METTL6: variants seen among roughly 807,000 people sequenced by gnomAD.
The protein encoded by METTL6 is methyltransferase 6, tRNA N3-cytidine, also known as tRNA N(3)-cytidine methyltransferase METTL6.
A neutral mutation model predicts 26.4 loss-of-function variants in METTL6; 22 were observed. That is an observed-to-expected ratio of 0.83 (90% CI 0.59 to 1.19). The LOEUF is 1.19. Ranked by LOEUF, METTL6 falls within the 50% of genes most tolerant of loss-of-function variation. The probability of loss-of-function intolerance (pLI) is 0.00; values close to 1 mark genes in which losing one functional copy is unlikely to be tolerated. For missense variants in METTL6, 304 were observed against 324.8 expected (o/e 0.94, Z 0.49); for synonymous variants, 109 against 116.2 (o/e 0.94, Z 0.40).
At position 15,415,937 on chromosome 3, in the gene METTL6, A is replaced by G. The variant is rs770875857; in HGVS notation, c.366T>C (p.Asn122=). 6.2e-7 allele frequency: 1 copy of G among 1,605,008 alleles called. No individual in the cohort carries two copies. Among genetic ancestry groups the G allele is most frequent in the Non-Finnish European group, 8.5e-7 (1 of 1,175,958 alleles). The part of the protein sequence containing the change: ...SPRAIEYVKQ[N]PLYDTERCKV... ...TGCATCTTTCTGTATCATATAAAGG[A>G]TTTTGCTACAGGGGGAAGAAATACA... The change falls in exon 4 of 6, where the codon AAT becomes AAC. Residue 122 remains asparagine (N), a synonymous_variant. Coordinates refer to ENST00000383790, the MANE Select transcript of METTL6 (RefSeq NM_152396.4).
chr3:15,426,308 C>T lies in METTL6; in HGVS notation c.204G>A (p.Glu68=). 2.5e-6 allele frequency: 4 copies of T among 1,614,184 alleles called. No homozygotes were observed. Among genetic ancestry groups the T allele is most frequent in the Non-Finnish European group, 3.4e-6 (4 of 1,180,012 alleles). ...TTACCTCTCTACATGATCTTAGCTC[C>T]TCAAACTCTCTGGTGGTCCAGTGTC... The part of the protein sequence containing the change: ...KDRHWTTREF[E]ELRSCREFED... Residue 68 remains glutamate (E), a synonymous_variant, in exon 2 of 6, where the codon GAG becomes GAA. Transcript: ENST00000383790.
At chr3:15,414,556 T>A in intron 4 of METTL6, 1 of 269,970 alleles carries the variant, frequency 3.7e-6, no homozygotes, top group South Asian at 3.7e-5. Flanking sequence ...GGTTTCACCA[T>A]GTTGGCCAGG....
In METTL6 at chr3:15,425,302, G is replaced by A. The variant is rs140664906; in HGVS notation, c.226-213C>T. Among the ~76,000 whole-genome samples, 582 of 152,246 alleles carry A rather than the reference G, an allele frequency of 3.8e-3. 6 individuals carry two copies. The highest frequency in any genetic ancestry group is 0.013 in the African/African-American group (547 of 41,538). ...AAAAAAACAGCACAATGGCTAACTC[G>A]GCTCTGGAGTTAAACTGCCAGCACC... On this transcript the variant is annotated intron_variant, in intron 2 of 5. Coordinates refer to ENST00000383790, the MANE Select transcript of METTL6 (RefSeq NM_152396.4).
At chr3:15,402,024 G>A (rs1699660825) in intron 6 of METTL6, among the ~76,000 whole-genome samples, 1 of 152,134 alleles carries the variant, frequency 6.6e-6, no homozygotes. Context: ...CAAGGTCCAA[G>A]AACCCTCTCT....
chr3:15,397,686 A>C lies in METTL6; in HGVS notation c.*12-13499T>G, dbSNP rs373708252. On this transcript the variant is annotated intron_variant, in intron 6 of 6. Transcript: ENST00000443029. ...CATTTAGTTTATAGTTTAAATTATAATAGCCCTTCCCCCAAACTCAATCAC... is the reference window on the plus strand; with the variant it reads ...CATTTAGTTTATAGTTTAAATTATACTAGCCCTTCCCCCAAACTCAATCAC... Among the ~76,000 whole-genome samples the C allele has an allele frequency of 1.9e-3, 287 of 152,316 alleles. 1 individual carries two copies. Among genetic ancestry groups the C allele is most frequent in the African/African-American group, 6.5e-3 (271 of 41,580 alleles).
rs142758777 is a variant in METTL6 at position 15,422,582 on chromosome 3, C to T, written c.360+2373G>A. 8.1e-3 allele frequency among the ~76,000 whole-genome samples: 1,222 copies of T among 151,790 alleles called. 12 individuals are homozygous for T. Among genetic ancestry groups the T allele is most frequent in the South Asian group, 0.046 (220 of 4,788 alleles). On this transcript the variant is annotated intron_variant, in intron 3 of 5. Transcript: ENST00000383790. ...TGAGGCTGCAGTGAGCTCTAATACA[C>T]ACCACTGCACTCCAGCCTGGGTGAC...
At chr3:15,422,145 G>GTGA (rs1357039659) in intron 3 of METTL6, among the ~76,000 whole-genome samples, 2 of 150,878 alleles carry the variant, frequency 1.3e-5, no homozygotes, top group Non-Finnish European at 2.9e-5. Flanking sequence ...AGGCAACGTA[G>GTGA]TGAGACCCGT....
At chr3:15,388,749 C>T (rs1454982801) in intron 6 of METTL6, among the ~76,000 whole-genome samples, 2 of 152,178 alleles carry the variant, frequency 1.3e-5, no homozygotes, top group East Asian at 1.9e-4. Context: ...GCTGTCTAGT[C>T]CCCAGGCAAG....
intron 6 of METTL6, among the ~76,000 whole-genome samples, chr3:15,389,659 C>T (rs559956386): frequency 5.5e-4 from 84 of 152,204 alleles, no homozygotes; most frequent in Middle Eastern, 3.4e-3. Context: ...AAGAGATTCT[C>T]CTGCCTCAGT....
rs374337930 is a variant in METTL6, at chr3:15,417,337, C to A, written c.361-1395G>T. Among the ~76,000 whole-genome samples, 7 of 152,148 alleles carry A rather than the reference C, an allele frequency of 4.6e-5. No homozygotes were observed. In the East Asian group the frequency reaches 9.6e-4, roughly 21 times the overall value. On this transcript the variant is annotated intron_variant, in intron 3 of 5. Coordinates refer to ENST00000383790, the MANE Select transcript of METTL6 (RefSeq NM_152396.4). ...GGGCGTGGTGACCCGCACCTGTAGT[C>A]CCAGTTACTGGGAAGACTGAGGCAG...
chr3:15,404,242 C>T (rs140273393), intron 6 of METTL6, among the ~76,000 whole-genome samples: 3 of 152,202 alleles, frequency 2.0e-5, no homozygotes, highest in Non-Finnish European at 4.4e-5. Flanking sequence ...CCATAGTGAC[C>T]CCAGAGTGCC....
chr3:15,407,048 AC>A (rs1699822731), downstream of METTL6, among the ~76,000 whole-genome samples: 1 of 151,620 alleles, frequency 6.6e-6, no homozygotes, highest in African/African-American at 2.4e-5. Flanking sequence ...ACAGACTCTT[AC>A]TCTGTCACCC....
chr3:15,424,661 T>A (rs377702336), intron 3 of METTL6, among the ~76,000 whole-genome samples: 2 of 152,306 alleles, frequency 1.3e-5, no homozygotes, highest in South Asian at 4.1e-4. Context: ...CATTTAGGAG[T>A]GAAATGTCTT....
Position 15,415,756 on chromosome 3 carries a change from G to A in METTL6, c.531+16C>T. The A allele has an allele frequency of 1.2e-6, 2 of 1,611,518 alleles. No individual in the cohort carries two copies. Among genetic ancestry groups the A allele is most frequent in the Non-Finnish European group, 1.7e-6 (2 of 1,178,650 alleles). ...CAGACTGTCCAACCCTCAAGTGCAG[G>A]CCCCAAATCACTAACCTTGTAAATG... On this transcript the variant is annotated intron_variant, in intron 4 of 5. Coordinates refer to ENST00000383790, the MANE Select transcript of METTL6 (RefSeq NM_152396.4).
downstream of METTL6, among the ~76,000 whole-genome samples, chr3:15,407,015 G>GTTTTTATTGTTTAT (rs1196016249): frequency 2.0e-5 from 3 of 151,718 alleles, no homozygotes; most frequent in Non-Finnish European, 4.4e-5. Flanking sequence ...TTTAAATATT[G>GTTTTTATTGTTTAT]TTTTTATTGT....
Position 15,411,000 on chromosome 3 carries a change from C to A in METTL6, c.*256G>T. 2.9e-6 allele frequency: 1 copy of A among 350,398 alleles called. No homozygotes were observed. The highest frequency in any genetic ancestry group is 5.2e-6 in the Non-Finnish European group (1 of 194,056). The allele number at this position is 350,398 out of a possible 1,614,324, so 21.7% of individuals were successfully genotyped here. A position where few individuals can be genotyped will look rare whatever the true frequency, so the allele number is the denominator to read the frequency against. On this transcript the variant is annotated 3_prime_UTR_variant, in exon 6 of 6. Transcript: ENST00000383790. ...CTCCGCCTCTTGGGTTCAAGCGATTCTCTTGCCTCAGCCTCCTGAGTAGCT... is the reference window on the plus strand; with the variant it reads ...CTCCGCCTCTTGGGTTCAAGCGATTATCTTGCCTCAGCCTCCTGAGTAGCT...
intron 3 of METTL6, among the ~76,000 whole-genome samples, chr3:15,417,880 C>G (rs1437162465): frequency 6.6e-6 from 1 of 152,154 alleles, no homozygotes; most frequent in Non-Finnish European, 1.5e-5. Context: ...CACACCCCAC[C>G]ATCGAATCTC....
Position 15,411,446 on chromosome 3 carries a change from C to T in METTL6, c.674-9G>A, listed in dbSNP as rs1445887660. On this transcript the variant is annotated splice_polypyrimidine_tract_variant and intron_variant, in intron 5 of 5. Transcript: ENST00000383790. The stretch of plus-strand genomic sequence containing the variant: ...GAGCTGAGCCAGGAAGTCTGTAAGA[C>T]AAGCATCAACAATGCTCAACAGTCT... 6.2e-7 allele frequency: 1 copy of T among 1,611,684 alleles called. No homozygotes were observed. The highest frequency in any genetic ancestry group is 2.2e-5 in the East Asian group (1 of 44,856).
intron 6 of METTL6, among the ~76,000 whole-genome samples, chr3:15,396,742 G>A (rs1029957496): frequency 5.3e-5 from 8 of 152,288 alleles, no homozygotes; most frequent in East Asian, 3.9e-4. Context: ...GGAGTTTGCC[G>A]GAGGTCCATT....
Sources: allele counts gnomAD v4.1 joint callset (sites outside exome capture counted in the v4.1 genomes callset), GRCh38; gene constraint gnomAD v4.1.1; transcripts MANE v1.5; gene names NCBI Gene and HGNC (gene_info 2026-07-23, HGNC 2026-07-21).